Variants in SMIM13 observed in about 807,000 individuals in gnomAD.
SMIM13 encodes small integral membrane protein 13.
SMIM13 carries 3 observed loss-of-function variants against 5.9 expected under a neutral mutation model. That is an observed-to-expected ratio of 0.51 (90% CI 0.23 to 1.31). The LOEUF is 1.31. Ranked by LOEUF, SMIM13 falls within the 40% of genes most tolerant of loss-of-function variation. The pLI is 0.18. For synonymous variants in SMIM13, 55 were observed against 46.0 expected, an observed-to-expected ratio of 1.19 and a Z score of -0.79; for missense variants, 85 against 109.9, an observed-to-expected ratio of 0.77 and a Z score of 1.01.
In SMIM13 at chr6:11,135,342, C is replaced by T. The variant is rs545398861; in HGVS notation, c.*740C>T. ...AAGTAGATGAAGCTGTACTACGTTT[C>T]GTCAGTGAGACACGTGCAAAAGGAT... On this transcript the variant is annotated 3_prime_UTR_variant, in exon 2 of 2. Coordinates refer to ENST00000416247, the MANE Select transcript of SMIM13 (RefSeq NM_001135575.2). The T allele has an allele frequency of 9.6e-4, 147 of 152,670 alleles. 1 individual carries two copies. The highest frequency in any genetic ancestry group is 3.3e-3 in the African/African-American group (138 of 41,534). The allele number at this position is 152,670 out of a possible 1,614,324, so 9.5% of individuals were successfully genotyped here. A position where few individuals can be genotyped will look rare whatever the true frequency, so the allele number is the denominator to read the frequency against.
rs2113632601 is a variant in SMIM13 at position 11,094,063 on chromosome 6, T to G, written c.-251T>G. The stretch of plus-strand genomic sequence containing the variant: ...GGGCGATGAGGGACTAGAGGCGCCC[T>G]GAGGCCCGCCTGCCTCCCGCGCTCT... On this transcript the variant is annotated 5_prime_UTR_variant, in exon 1 of 2. Coordinates refer to ENST00000416247, the MANE Select transcript of SMIM13 (RefSeq NM_001135575.2). The G allele has an allele frequency of 6.6e-6, 1 of 152,580 alleles. No homozygotes were observed. Among genetic ancestry groups the G allele is most frequent in the African/African-American group, 2.4e-5 (1 of 41,574 alleles). 9.5% of individuals were successfully genotyped at this position (152,580 alleles called of 1,614,324 possible).
At position 11,113,275 on chromosome 6, in the gene SMIM13, G is replaced by A. The variant is rs911730217; in HGVS notation, c.76+18886G>A. On this transcript the variant is annotated intron_variant, in intron 1 of 1. Transcript: ENST00000416247. ...GTCATGAGTGAGAATTTGTTACTCC[G>A]CATCCATCACCAACATTTGATGGTA... Among the ~76,000 whole-genome samples the A allele has an allele frequency of 5.3e-5, 8 of 152,182 alleles. 1 individual carries two copies. The East Asian group carries it at 7.7e-4, about 15-fold the overall frequency.
At chr6:11,097,493 TAAA>T (rs112958222) in intron 1 of SMIM13, among the ~76,000 whole-genome samples, 4 of 142,014 alleles carry the variant, frequency 2.8e-5, no homozygotes, top group Admixed American at 7.1e-5. Flanking sequence ...CCGTCTGTGC[TAAA>T]AAAAAAAAAA....
At chr6:11,104,023 T>C (rs367994433) in intron 1 of SMIM13, 6 of 1,551,580 alleles carry the variant, frequency 3.9e-6, no homozygotes, top group Non-Finnish European at 4.4e-6. Context: ...GCCAAACAAA[T>C]TCCTCCCTGT....
At chr6:11,130,718 C>G (rs1758442005) in intron 1 of SMIM13, among the ~76,000 whole-genome samples, 1 of 152,180 alleles carries the variant, frequency 6.6e-6, no homozygotes, top group Non-Finnish European at 1.5e-5. Context: ...AGTCTGTGAT[C>G]TAGCTGAATG....
intron 1 of SMIM13, among the ~76,000 whole-genome samples, chr6:11,129,083 G>GA (rs972180232): frequency 2.6e-5 from 4 of 151,558 alleles, no homozygotes; most frequent in African/African-American, 9.7e-5. Context: ...GGGAGCGGGG[G>GA]GGGGATGATC....
At chr6:11,123,266 C>T (rs1758334007) in intron 1 of SMIM13, among the ~76,000 whole-genome samples, 1 of 152,168 alleles carries the variant, frequency 6.6e-6, no homozygotes, top group Non-Finnish European at 1.5e-5. Context: ...ACAGATAATG[C>T]TGAGCAAATG....
chr6:11,110,291 C>T (rs549766340), intron 1 of SMIM13, among the ~76,000 whole-genome samples: 9 of 152,290 alleles, frequency 5.9e-5, no homozygotes, highest in Non-Finnish European at 1.0e-4. Context: ...GTGTTTGTAG[C>T]CTGGAACTAG....
At chr6:11,103,453 C>T in intron 1 of SMIM13, 1 of 509,594 alleles carries the variant, frequency 2.0e-6, no homozygotes, top group East Asian at 3.1e-5. Context: ...TCCAACATTT[C>T]CCCCCCTCAA....
intron 1 of SMIM13, 121 bp downstream of exon 1, chr6:11,094,510 A>G (rs1029909515): frequency 2.6e-6 from 2 of 774,204 alleles, no homozygotes; most frequent in Non-Finnish European, 4.0e-6. Flanking sequence ...ATTGTCTTAA[A>G]ATCAACTGTT....
intron 1 of SMIM13, among the ~76,000 whole-genome samples, chr6:11,100,906 A>G (rs546960558): frequency 4.6e-5 from 7 of 152,094 alleles, no homozygotes; most frequent in African/African-American, 1.7e-4. Flanking sequence ...GTATACTGAA[A>G]TGTCATAATG....
At chr6:11,098,060 A>T (rs1757947475) in intron 1 of SMIM13, among the ~76,000 whole-genome samples, 1 of 152,046 alleles carries the variant, frequency 6.6e-6, no homozygotes, top group East Asian at 1.9e-4. Flanking sequence ...TTCTTATTTC[A>T]TTCAGTTCAA....
intron 1 of SMIM13, among the ~76,000 whole-genome samples, chr6:11,100,925 T>C (rs984807286): frequency 1.3e-5 from 2 of 152,090 alleles, no homozygotes; most frequent in African/African-American, 4.8e-5. Context: ...TGATGTACCT[T>C]TGTGTGTGTC....
chr6:11,126,898 C>A (rs1401559079), intron 1 of SMIM13, among the ~76,000 whole-genome samples: 5 of 152,156 alleles, frequency 3.3e-5, no homozygotes, highest in African/African-American at 1.2e-4. Flanking sequence ...TGTAGAGTCA[C>A]CACCTTGGTT....
At chr6:11,118,416 G>T (rs1446304760) in intron 1 of SMIM13, among the ~76,000 whole-genome samples, 1 of 152,152 alleles carries the variant, frequency 6.6e-6, no homozygotes. Context: ...TGATAGTTTT[G>T]GGAGTGGGGT....
chr6:11,120,702 G>A (rs192284381), intron 1 of SMIM13, among the ~76,000 whole-genome samples: 5 of 152,144 alleles, frequency 3.3e-5, no homozygotes, highest in East Asian at 1.9e-4. Flanking sequence ...AATTTGATAC[G>A]CTGTTAAGAT....
chr6:11,117,194 C>T (rs1330581883), intron 1 of SMIM13, among the ~76,000 whole-genome samples: 3 of 123,032 alleles, frequency 2.4e-5, no homozygotes, highest in East Asian at 2.2e-4. Flanking sequence ...GACGGAGTCT[C>T]GCTCTGTCGC....
chr6:11,097,065 C>T (rs1173988491), intron 1 of SMIM13, among the ~76,000 whole-genome samples: 5 of 152,130 alleles, frequency 3.3e-5, no homozygotes, highest in Admixed American at 1.3e-4. Context: ...CTCGAGCTCC[C>T]GACCTCAGGT....
chr6:11,094,337 T>C lies in SMIM13; in HGVS notation c.24T>C (p.Thr8=). 6.5e-7 allele frequency: 1 copy of C among 1,533,014 alleles called. No individual in the cohort carries two copies. The highest frequency in any genetic ancestry group is 1.2e-5 in the South Asian group (1 of 83,434). The allele number at this position is 1,533,014 out of a possible 1,614,324, so 95.0% of individuals were successfully genotyped here. MWHSVGL[T]LLVFVATLLI... is the part of the protein sequence containing the mutation. ...AGATGTGGCACAGCGTCGGGCTGAC[T>C]CTGCTTGTGTTCGTGGCCACGCTGC... The change falls in exon 1 of 2, where the codon ACT becomes ACC. Residue 8 remains threonine (T), a synonymous_variant. Coordinates refer to ENST00000416247, the MANE Select transcript of SMIM13 (RefSeq NM_001135575.2).
Sources: gnomAD v4.1 joint callset for allele counts (sites outside exome capture counted in the v4.1 genomes callset) on GRCh38, gnomAD v4.1.1 for gene constraint, MANE v1.5 for transcripts, NCBI Gene and HGNC (gene_info 2026-07-23, HGNC 2026-07-21) for gene names.